SLC11A2: variants seen among roughly 807,000 people sequenced by gnomAD.
SLC11A2 encodes the protein solute carrier family 11 member 2.
Under a neutral mutation model 68.0 loss-of-function variants are expected in SLC11A2, and 38 were observed. The observed-to-expected ratio is 0.56, with a 90% confidence interval of 0.43 to 0.73. The LOEUF is 0.73. Among genes scored for constraint, SLC11A2 ranks in the 30% least tolerant of loss-of-function variants. The pLI, the probability that SLC11A2 is intolerant of heterozygous loss-of-function variation, is 0.00. For missense variants in SLC11A2, 517 were observed against 690.5 expected, an observed-to-expected ratio of 0.75 and a Z score of 2.82; for synonymous variants, 242 against 250.6, an observed-to-expected ratio of 0.97 and a Z score of 0.32.
intron 15 of SLC11A2, 84 bp downstream of exon 15, chr12:50,990,711 G>T: frequency 1.4e-6 from 2 of 1,418,184 alleles, no homozygotes; most frequent in Non-Finnish European, 2.0e-6. Flanking sequence ...TGCCCAGCCT[G>T]GGTCTGTTCA....
chr12:50,992,069 C>G (rs1291986622), intron 13 of SLC11A2, 121 bp downstream of exon 13: 1 of 1,009,856 alleles, frequency 9.9e-7, no homozygotes, highest in East Asian at 2.4e-5. Flanking sequence ...TACTGCAGAC[C>G]ACAACCATGC....
At chr12:50,954,244 G>T in the SLC11A2 span, 4 of 518,036 alleles carry the variant, frequency 7.7e-6, no homozygotes, top group Non-Finnish European at 1.4e-5. Context: ...TTTCAGAATA[G>T]TTCCTAATAC....
chr12:51,012,185 C>T (rs1943285577), intron 1 of SLC11A2, among the ~76,000 whole-genome samples: 1 of 152,106 alleles, frequency 6.6e-6, no homozygotes, highest in South Asian at 2.1e-4. Flanking sequence ...GTCTACAGGT[C>T]CTGTACTAAG....
Position 50,988,442 on chromosome 12 carries a change from G to C in SLC11A2, c.1576-7C>G, listed in dbSNP as rs1940818391. 1 of 1,613,906 alleles carries C rather than the reference G, an allele frequency of 6.2e-7. No individual in the cohort carries two copies. Among genetic ancestry groups the C allele is most frequent in the East Asian group, 2.2e-5 (1 of 44,856 alleles). ...CAATCAAACATTGCCAACCCTGAAA[G>C]ACAAAATATGGTCATCACTCACCAG... On this transcript the variant is annotated splice_polypyrimidine_tract_variant and splice_region_variant and intron_variant, in intron 15 of 15. Coordinates refer to ENST00000262052, the MANE Select transcript of SLC11A2 (RefSeq NM_000617.3).
intron 2 of SLC11A2, 118 bp downstream of exon 2, chr12:51,010,577 G>T: frequency 1.5e-6 from 1 of 655,818 alleles, no homozygotes; most frequent in South Asian, 1.7e-5. Flanking sequence ...CTTTTGAATG[G>T]AGTTGTTAGA....
intron 2 of SLC11A2, 74 bp from the exon 3 acceptor site, chr12:51,008,698 G>T: frequency 8.4e-7 from 1 of 1,196,954 alleles, no homozygotes; most frequent in Non-Finnish European, 1.2e-6. Flanking sequence ...TTAGTATACT[G>T]AAATTAAATA....
At chr12:51,025,422 A>G (rs114323022) in intron 1 of SLC11A2, among the ~76,000 whole-genome samples, 47 of 152,326 alleles carry the variant, frequency 3.1e-4, no homozygotes, top group African/African-American at 1.1e-3. Context: ...ATGCTCAAAG[A>G]TTTACAAAGC....
chr12:51,007,626 C>T (rs1034178155), intron 3 of SLC11A2, among the ~76,000 whole-genome samples: 1 of 151,578 alleles, frequency 6.6e-6, no homozygotes, highest in East Asian at 1.9e-4. Context: ...TGAGCCACCG[C>T]GCCTGGCCTG....
intron 1 of SLC11A2, among the ~76,000 whole-genome samples, chr12:51,015,389 C>A (rs1158702389): frequency 1.3e-5 from 2 of 151,008 alleles, no homozygotes; most frequent in African/African-American, 4.9e-5. Flanking sequence ...GCGGGAGAAT[C>A]GCTTAAACCT....
Position 50,995,878 on chromosome 12 carries a change from AG to A in SLC11A2, c.832-92del, listed in dbSNP as rs949422250. 41 of 1,242,632 alleles carry A rather than the reference AG, an allele frequency of 3.3e-5. No homozygotes were observed. The African/African-American group carries it at 5.3e-4, about 16-fold the overall frequency. 77.0% of individuals were successfully genotyped at this position (1,242,632 alleles called of 1,614,324 possible). A position where few individuals can be genotyped will look rare whatever the true frequency, so the allele number is the denominator to read the frequency against. On this transcript the variant is annotated intron_variant, in intron 9 of 15. Coordinates refer to ENST00000262052, the MANE Select transcript of SLC11A2 (RefSeq NM_000617.3). ...GAGTTTGGAGTCAGCTGAGAGATTTAGGGGACAAAAGTTGACCAGACGAAAA... is the reference window on the plus strand; with the variant it reads ...GAGTTTGGAGTCAGCTGAGAGATTTAGGGACAAAAGTTGACCAGACGAAAA...
intron 6 of SLC11A2, among the ~76,000 whole-genome samples, chr12:50,999,845 T>C (rs1339799132): frequency 6.6e-6 from 1 of 151,870 alleles, no homozygotes; most frequent in Non-Finnish European, 1.5e-5. Context: ...CCGTCTCTAC[T>C]AAAAACACAA....
At chr12:51,023,838 T>C (rs1944203205) in intron 1 of SLC11A2, among the ~76,000 whole-genome samples, 1 of 152,026 alleles carries the variant, frequency 6.6e-6, no homozygotes, top group African/African-American at 2.4e-5. Context: ...CAAAAAAATT[T>C]TTAAAAATTA....
chr12:51,015,514 C>A (rs968451375), intron 1 of SLC11A2, among the ~76,000 whole-genome samples: 1 of 149,752 alleles, frequency 6.7e-6, no homozygotes, highest in Non-Finnish European at 1.5e-5. Context: ...AAAAAAAAAA[C>A]TAGGGAGGAA....
intron 1 of SLC11A2, chr12:51,026,038 C>A: frequency 9.1e-7 from 1 of 1,095,058 alleles, no homozygotes; most frequent in Non-Finnish European, 1.1e-6. Context: ...TGTCCTAGGC[C>A]GCGGCGGGGA....
At chr12:50,970,434 T>G in the SLC11A2 span, 1 of 1,412,638 alleles carries the variant, frequency 7.1e-7, no homozygotes, top group East Asian at 2.5e-5. Flanking sequence ...ACATCCTTCT[T>G]TTTCTAGGTG....
chr12:50,999,079 T>TA (rs1941981249), intron 8 of SLC11A2, 95 bp downstream of exon 8: 2 of 1,066,340 alleles, frequency 1.9e-6, no homozygotes, highest in East Asian at 4.8e-5. Context: ...AAGTGAATCA[T>TA]ACTAGCATTA....
At chr12:51,027,473 C>A (rs1353521454), upstream of SLC11A2, among the ~76,000 whole-genome samples, 2 of 151,918 alleles carry the variant, frequency 1.3e-5, no homozygotes, top group African/African-American at 4.8e-5. Flanking sequence ...GCCAGTTTGA[C>A]CGCCTTAGGT....
intron 2 of SLC11A2, among the ~76,000 whole-genome samples, 190 bp from the exon 3 acceptor site, chr12:51,008,814 TA>T (rs977918531): frequency 5.3e-4 from 80 of 152,264 alleles, no homozygotes; most frequent in African/African-American, 1.9e-3. Context: ...TTCACATGGT[TA>T]AAAATTCAGG....
At chr12:51,012,009 ATCT>A (rs1302348248) in intron 1 of SLC11A2, among the ~76,000 whole-genome samples, 1 of 152,188 alleles carries the variant, frequency 6.6e-6, no homozygotes, top group Non-Finnish European at 1.5e-5. Context: ...GCAGCCTCAA[ATCT>A]TCCTAAGAAA....
Sources: gnomAD v4.1 joint callset for allele counts (sites outside exome capture counted in the v4.1 genomes callset) on GRCh38, gnomAD v4.1.1 for gene constraint, MANE v1.5 for transcripts, NCBI Gene and HGNC (gene_info 2026-07-23, HGNC 2026-07-21) for gene names.